The following NID1 variants were observed in gnomAD, a reference collection of about 807,000 sequenced individuals.
NID1 encodes nidogen-1.
NID1 carries 76 observed loss-of-function variants against 130.6 expected under a neutral mutation model. The observed-to-expected ratio is 0.58, with a 90% CI of 0.48 to 0.70. The LOEUF (loss-of-function observed/expected upper bound fraction) is 0.70. NID1 is among the 30% of genes least tolerant of loss of function. The pLI is 0.00. For missense variants in NID1, 1,517 were observed against 1,664.8 expected (o/e 0.91, Z 1.54); for synonymous variants, 665 against 675.1 (o/e 0.98, Z 0.23).
intron 6 of NID1, among the ~76,000 whole-genome samples, chr1:236,031,159 C>T (rs1659087228): frequency 6.6e-6 from 1 of 151,878 alleles, no homozygotes; most frequent in African/African-American, 2.4e-5. Flanking sequence ...CACTCTGTTG[C>T]CCAGGCTGGA....
chr1:236,035,074 T>C (rs1472425515), intron 5 of NID1, among the ~76,000 whole-genome samples: 259 of 144,260 alleles, frequency 1.8e-3, no homozygotes, highest in African/African-American at 6.7e-3. Context: ...ACATGTGTCA[T>C]GCTGGTGCGC....
At chr1:236,008,257 C>T (rs2102813448) in intron 12 of NID1, among the ~76,000 whole-genome samples, 1 of 152,314 alleles carries the variant, frequency 6.6e-6, no homozygotes, top group Admixed American at 6.5e-5. Flanking sequence ...GTGCAGAAGA[C>T]AAAGAGGAAC....
chr1:236,032,508 G>A lies in NID1; in HGVS notation c.1430C>T (p.Pro477Leu). 6.2e-7 allele frequency: 1 copy of A among 1,614,184 alleles called. No homozygotes were observed. The highest frequency in any genetic ancestry group is 8.5e-7 in the Non-Finnish European group (1 of 1,180,050). ...AAGCAGAGAATATCCAACGGTCTCG[G>A]GAATGGTGCTGATGGCTGTGTAGGA... ...GRSYTAISTI[P>L]ETVGYSLLPL... Residue 477 changes from proline to leucine, a missense_variant, in exon 6 of 20, where the codon CCC (proline) becomes CTC (leucine). Pro to Leu is a moderately conservative substitution (Grantham distance 98). Coordinates refer to ENST00000264187, the MANE Select transcript of NID1 (RefSeq NM_002508.3).
At position 236,041,893 on chromosome 1, in the gene NID1, A is replaced by T; in HGVS notation, c.1135+17T>A. 1 of 1,587,624 alleles carries T rather than the reference A, an allele frequency of 6.3e-7. No homozygotes were observed. On this transcript the variant is annotated intron_variant, in intron 4 of 19. Coordinates refer to ENST00000264187, the MANE Select transcript of NID1 (RefSeq NM_002508.3). ...CACATCCAAGATCGTTACCAACTGC[A>T]ACTTAAATGGTCTTACCAACTCCTG...
chr1:236,028,592 G>A (rs766629077), intron 7 of NID1, among the ~76,000 whole-genome samples: 2 of 152,014 alleles, frequency 1.3e-5, no homozygotes, highest in African/African-American at 2.4e-5. Context: ...CTGTGGCCTT[G>A]TAAAAGAATG....
intron 12 of NID1, among the ~76,000 whole-genome samples, chr1:235,998,237 C>A (rs969277404): frequency 5.3e-5 from 8 of 152,100 alleles, no homozygotes; most frequent in African/African-American, 1.9e-4. Context: ...AGTTAGCATG[C>A]CAGAAAAGTA....
chr1:236,048,280 AGCCAAGATCGT>A (rs1359885872), intron 2 of NID1, among the ~76,000 whole-genome samples: 1 of 152,004 alleles, frequency 6.6e-6, no homozygotes, highest in African/African-American at 2.4e-5. Flanking sequence ...GCTTGCAGTG[AGCCAAGATCGT>A]GCCACTGCAC....
intron 13 of NID1, 81 bp downstream of exon 13, chr1:235,993,564 G>C (rs1470866307): frequency 7.3e-6 from 9 of 1,236,440 alleles, no homozygotes; most frequent in Non-Finnish European, 9.7e-6. Context: ...TCCAGCAGAA[G>C]AGCAAAGAGC....
chr1:236,024,828 G>A (rs563420963), intron 8 of NID1, among the ~76,000 whole-genome samples: 3 of 152,134 alleles, frequency 2.0e-5, no homozygotes, highest in Non-Finnish European at 2.9e-5. Context: ...GCTCCTTCCC[G>A]ACAGCTGGGA....
At chr1:236,064,757 G>A in intron 1 of NID1, 98 bp downstream of exon 1, 1 of 1,182,846 alleles carries the variant, frequency 8.5e-7, no homozygotes, top group Admixed American at 2.5e-5. Context: ...AGCGGGTCCG[G>A]GTCCCCGCCT....
intron 7 of NID1, among the ~76,000 whole-genome samples, chr1:236,027,047 T>C (rs539402758): frequency 4.6e-5 from 7 of 152,260 alleles, no homozygotes; most frequent in African/African-American, 1.7e-4. Context: ...GGCCAATAAA[T>C]GGTGATTTCT....
Position 236,024,146 on chromosome 1 carries a change from G to A in NID1, c.2052C>T (p.Ala684=), listed in dbSNP as rs140298247. The change falls in exon 9 of 20, where the codon GCC becomes GCT. Residue 684 remains alanine, a synonymous_variant. Coordinates refer to ENST00000264187, the MANE Select transcript of NID1 (RefSeq NM_002508.3). ...IGTHGCDTNA[A]CRPGPRTQFT... is the part of the protein sequence containing the mutation. ...ACTGTGTCCTGGGACCAGGGCGACA[G>A]GCCGCGTTGGTGTCACACCCATGAG... 387 of 1,614,144 alleles carry A rather than the reference G, an allele frequency of 2.4e-4. No homozygotes were observed. The highest frequency in any genetic ancestry group is 3.1e-4 in the Non-Finnish European group (365 of 1,180,046).
At chr1:236,058,883 C>T (rs1166925696) in intron 1 of NID1, among the ~76,000 whole-genome samples, 1 of 152,120 alleles carries the variant, frequency 6.6e-6, no homozygotes, top group Non-Finnish European at 1.5e-5. Flanking sequence ...GTGAGACTTG[C>T]AAAAGCAAAC....
chr1:236,048,565 T>G, intron 2 of NID1, 125 bp downstream of exon 2: 1 of 1,051,576 alleles, frequency 9.5e-7, no homozygotes, highest in Middle Eastern at 3.2e-4. Flanking sequence ...TACTAGATTT[T>G]GCTTTGGATT....
intron 9 of NID1, among the ~76,000 whole-genome samples, chr1:236,020,398 C>T (rs1010844201): frequency 1.3e-5 from 2 of 152,156 alleles, no homozygotes; most frequent in African/African-American, 4.8e-5. Flanking sequence ...AGAAGAGTCT[C>T]ATTACCAATT....
In NID1 at chr1:236,012,613, A is replaced by G. The variant is rs76359098; in HGVS notation, c.2405-570T>C. 7.1e-3 allele frequency among the ~76,000 whole-genome samples: 1,084 copies of G among 151,710 alleles called. 9 individuals are homozygous for G. Among genetic ancestry groups the G allele is most frequent in the African/African-American group, 0.024 (990 of 41,316 alleles). ...AAAGAATGTTTTCATCAACCTTACA[A>G]CAGGGGAAAAGATAGGATCTATTTG... On this transcript the variant is annotated intron_variant, in intron 11 of 19. Transcript: ENST00000264187.
intron 1 of NID1, among the ~76,000 whole-genome samples, chr1:236,060,486 G>T (rs565276676): frequency 1.3e-5 from 2 of 152,106 alleles, no homozygotes; most frequent in East Asian, 3.8e-4. Context: ...GTAGGTCTCA[G>T]CCTCATTTTA....
At chr1:236,033,123 T>C (rs985643680) in intron 5 of NID1, among the ~76,000 whole-genome samples, 3 of 152,080 alleles carry the variant, frequency 2.0e-5, no homozygotes, top group African/African-American at 4.8e-5. Flanking sequence ...GCCTGGCCAA[T>C]ACGGCGAAAC....
chr1:235,986,433 C>A (rs1657575559), intron 14 of NID1, among the ~76,000 whole-genome samples: 2 of 148,108 alleles, frequency 1.4e-5, no homozygotes, highest in South Asian at 2.1e-4. Flanking sequence ...GTGACAGCAT[C>A]AAAAAAAAAA....
Sources: gnomAD v4.1 joint callset for allele counts (sites outside exome capture counted in the v4.1 genomes callset) on GRCh38, gnomAD v4.1.1 for gene constraint, MANE v1.5 for transcripts, NCBI Gene and HGNC (gene_info 2026-07-23, HGNC 2026-07-21) for gene names.